ZRANB3: variants seen among roughly 807,000 people sequenced by gnomAD.
ZRANB3 encodes the protein zinc finger RANBP2-type containing 3, also known as DNA annealing helicase and endonuclease ZRANB3.
In ZRANB3, 125 loss-of-function variants were observed where a neutral mutation model predicts 133.8. The ratio of observed to expected loss-of-function variants is 0.93; its 90% confidence interval spans 0.81 to 1.08. The LOEUF is 1.08. ZRANB3 is among the 50% of genes least tolerant of loss of function. The pLI is 0.00. For missense variants in ZRANB3, 1,229 were observed against 1,275.5 expected, an observed-to-expected ratio of 0.96 and a Z score of 0.56; for synonymous variants, 387 against 432.7, an observed-to-expected ratio of 0.89 and a Z score of 1.31.
At chr2:135,449,693 G>C (rs1690181251) in intron 2 of ZRANB3, among the ~76,000 whole-genome samples, 1 of 152,186 alleles carries the variant, frequency 6.6e-6, no homozygotes, top group Non-Finnish European at 1.5e-5. Flanking sequence ...ACTGTGCCAA[G>C]TGCTTTACAA....
chr2:135,498,303 G>A (rs899943109), intron 2 of ZRANB3, among the ~76,000 whole-genome samples: 1 of 152,084 alleles, frequency 6.6e-6, no homozygotes, highest in Non-Finnish European at 1.5e-5. Flanking sequence ...AAATTGTGAA[G>A]ATTTCATGGA....
intron 2 of ZRANB3, among the ~76,000 whole-genome samples, chr2:135,418,543 A>T (rs1422616411): frequency 6.6e-6 from 1 of 152,212 alleles, no homozygotes; most frequent in Non-Finnish European, 1.5e-5. Flanking sequence ...ACAGGAAAAA[A>T]GTCCAAAAGG....
intron 4 of ZRANB3, among the ~76,000 whole-genome samples, chr2:135,352,559 C>T (rs6727889): frequency 0.31 from 46,923 of 151,914 alleles, 11,256 homozygotes; most frequent in African/African-American, 0.66. Context: ...CATAAAGATA[C>T]ATGCTACTGA....
At chr2:135,467,988 A>T (rs1367528959) in intron 2 of ZRANB3, among the ~76,000 whole-genome samples, 1 of 152,218 alleles carries the variant, frequency 6.6e-6, no homozygotes, top group Non-Finnish European at 1.5e-5. Context: ...TGCAGAATTT[A>T]TATTTTAGAA....
At chr2:135,255,295 GC>G (rs888445697) in intron 12 of ZRANB3, among the ~76,000 whole-genome samples, 13 of 151,442 alleles carry the variant, frequency 8.6e-5, no homozygotes, top group African/African-American at 1.2e-4. Context: ...CACACACACA[GC>G]CCCCAGGGAT....
chr2:135,403,564 C>T (rs1345587902), intron 2 of ZRANB3, among the ~76,000 whole-genome samples: 1 of 152,250 alleles, frequency 6.6e-6, no homozygotes, highest in South Asian at 2.1e-4. Context: ...GAATCCTCTG[C>T]AGACTTAAAT....
intron 12 of ZRANB3, among the ~76,000 whole-genome samples, chr2:135,259,194 A>G (rs536619226): frequency 6.6e-5 from 10 of 151,216 alleles, no homozygotes; most frequent in Middle Eastern, 3.4e-3. Flanking sequence ...TAATTTTCTT[A>G]TTTTTATTTT....
intron 1 of ZRANB3, among the ~76,000 whole-genome samples, chr2:135,522,224 A>G (rs926217838): frequency 6.6e-6 from 1 of 152,172 alleles, no homozygotes; most frequent in Non-Finnish European, 1.5e-5. Flanking sequence ...TGAATGACTC[A>G]CAAGTTCTCC....
intron 12 of ZRANB3, among the ~76,000 whole-genome samples, chr2:135,240,125 T>C (rs1440453493): frequency 6.6e-6 from 1 of 152,016 alleles, no homozygotes; most frequent in Non-Finnish European, 1.5e-5. Flanking sequence ...GAGGATTGTT[T>C]GATGCAAGGA....
At chr2:135,404,259 A>G (rs1687897040) in intron 2 of ZRANB3, among the ~76,000 whole-genome samples, 1 of 152,196 alleles carries the variant, frequency 6.6e-6, no homozygotes, top group African/African-American at 2.4e-5. Context: ...TCCTTAAAGG[A>G]CCTGATGGTG....
intron 19 of ZRANB3, among the ~76,000 whole-genome samples, chr2:135,204,096 C>G (rs757963421): frequency 6.6e-6 from 1 of 152,182 alleles, no homozygotes; most frequent in African/African-American, 2.4e-5. Flanking sequence ...GCAAGCCTGT[C>G]AGGCACAATG....
chr2:135,389,636 C>T (rs1687134429), intron 3 of ZRANB3, among the ~76,000 whole-genome samples: 1 of 152,016 alleles, frequency 6.6e-6, no homozygotes, highest in Non-Finnish European at 1.5e-5. Context: ...ATCCGGGAGG[C>T]AGAGGTTGCA....
chr2:135,438,348 T>C (rs1689637068), intron 2 of ZRANB3, among the ~76,000 whole-genome samples: 1 of 151,704 alleles, frequency 6.6e-6, no homozygotes, highest in Non-Finnish European at 1.5e-5. Context: ...CTACTAAAAA[T>C]AAAAAAATTA....
chr2:135,486,542 T>C (rs1483609896), intron 2 of ZRANB3, among the ~76,000 whole-genome samples: 3 of 151,026 alleles, frequency 2.0e-5, no homozygotes, highest in Non-Finnish European at 1.5e-5. Context: ...ATAAGAGGAG[T>C]CTTGCTCTGT....
intron 2 of ZRANB3, among the ~76,000 whole-genome samples, chr2:135,471,445 T>A (rs1038208276): frequency 6.6e-6 from 1 of 152,228 alleles, no homozygotes; most frequent in Admixed American, 6.5e-5. Context: ...ATTATTACTA[T>A]GTCAGCAACA....
intron 2 of ZRANB3, among the ~76,000 whole-genome samples, chr2:135,471,186 C>A (rs763739514): frequency 2.0e-5 from 3 of 151,564 alleles, no homozygotes; most frequent in South Asian, 4.2e-4. Flanking sequence ...ATATAGAGTT[C>A]CATTAAGCAG....
chr2:135,381,254 T>C (rs1296543618), intron 3 of ZRANB3, among the ~76,000 whole-genome samples: 1 of 152,160 alleles, frequency 6.6e-6, no homozygotes, highest in Non-Finnish European at 1.5e-5. Context: ...AGCTGATTGC[T>C]AGCACAGCAG....
At chr2:135,518,004 G>C (rs966952756) in intron 1 of ZRANB3, among the ~76,000 whole-genome samples, 24 of 152,280 alleles carry the variant, frequency 1.6e-4, no homozygotes, top group African/African-American at 5.8e-4. Flanking sequence ...GGCTTTGCGT[G>C]CTGCGGTGGG....
At chr2:135,289,855 ACT>A (rs1253079183) in intron 8 of ZRANB3, among the ~76,000 whole-genome samples, 6 of 152,124 alleles carry the variant, frequency 3.9e-5, no homozygotes, top group Admixed American at 3.9e-4. Flanking sequence ...GTGAGTCAAG[ACT>A]CTGCCACTGC....
Sources: allele counts gnomAD v4.1 joint callset (sites outside exome capture counted in the v4.1 genomes callset), GRCh38; gene constraint gnomAD v4.1.1; transcripts MANE v1.5; gene names NCBI Gene and HGNC (gene_info 2026-07-23, HGNC 2026-07-21).